The following COL21A1 variants were observed in gnomAD, a reference collection of about 807,000 sequenced individuals.
COL21A1 encodes the protein collagen type XXI alpha 1 chain.
A neutral mutation model predicts 137.9 loss-of-function variants in COL21A1; 149 were observed. That is an observed-to-expected ratio of 1.08 (90% confidence interval 0.95 to 1.24). COL21A1 has a LOEUF of 1.24. Ranked by LOEUF, COL21A1 falls within the 50% of genes most tolerant of loss-of-function variation. The pLI is 0.00. For missense variants in COL21A1, 1,167 were observed against 1,158.4 expected, an observed-to-expected ratio of 1.01 and a Z score of -0.11; for synonymous variants, 456 against 391.5, an observed-to-expected ratio of 1.16 and a Z score of -1.95.
chr6:56,184,623 T>C (rs1778140530), intron 1 of COL21A1, among the ~76,000 whole-genome samples: 1 of 152,172 alleles, frequency 6.6e-6, no homozygotes, highest in South Asian at 2.1e-4. Context: ...AGAAGACACA[T>C]TGTTTTGTAA....
chr6:56,165,913 C>CACACACACAT (rs1341573330), intron 7 of COL21A1, among the ~76,000 whole-genome samples: 1,182 of 95,220 alleles, frequency 0.012, 19 homozygotes, highest in African/African-American at 0.05. Context: ...TGATTACACA[C>CACACACACAT]ACACACACAC....
intron 7 of COL21A1, 58 bp from the exon 8 acceptor site, chr6:56,164,880 C>T: frequency 1.6e-6 from 2 of 1,273,890 alleles, no homozygotes; most frequent in Non-Finnish European, 2.2e-6. Flanking sequence ...TATAAATTAT[C>T]AGCCTAATTT....
chr6:56,228,757 T>C (rs1721272680), intron 1 of COL21A1, among the ~76,000 whole-genome samples: 1 of 151,458 alleles, frequency 6.6e-6, no homozygotes, highest in Admixed American at 6.6e-5. Context: ...TGCTTTTGAG[T>C]GTCAAGGGTG....
At chr6:56,221,320 A>C (rs1435559468) in intron 1 of COL21A1, among the ~76,000 whole-genome samples, 1 of 152,188 alleles carries the variant, frequency 6.6e-6, no homozygotes, top group Non-Finnish European at 1.5e-5. Flanking sequence ...TAATTAATGA[A>C]ACTGACTTTG....
intron 5 of COL21A1, 116 bp downstream of exon 5, chr6:56,170,533 A>T: frequency 1.4e-6 from 1 of 711,030 alleles, no homozygotes; most frequent in Non-Finnish European, 2.3e-6. Flanking sequence ...TAAAATTTAA[A>T]GTAAAAATAT....
At chr6:56,083,160 A>G (rs1413872813) in intron 17 of COL21A1, among the ~76,000 whole-genome samples, 1 of 151,988 alleles carries the variant, frequency 6.6e-6, no homozygotes, top group African/African-American at 2.4e-5. Flanking sequence ...AGAATCAGCA[A>G]TGCTGCACCC....
At chr6:56,281,977 A>G (rs1334797008) in intron 1 of COL21A1, among the ~76,000 whole-genome samples, 1 of 147,034 alleles carries the variant, frequency 6.8e-6, no homozygotes, top group Non-Finnish European at 1.5e-5. Flanking sequence ...ATACCAAATA[A>G]ACTTTGCTGT....
chr6:56,059,052 C>A, intron 29 of COL21A1, 113 bp downstream of exon 29: 1 of 768,866 alleles, frequency 1.3e-6, no homozygotes, highest in South Asian at 1.6e-5. Flanking sequence ...AAATGTGAAT[C>A]ACTCAAAAAA....
chr6:56,262,963 G>A (rs149687828), intron 1 of COL21A1, among the ~76,000 whole-genome samples: 57 of 152,240 alleles, frequency 3.7e-4, no homozygotes, highest in Non-Finnish European at 6.6e-4. Context: ...TTTATTTCCC[G>A]TTTTCAGATG....
chr6:56,206,453 T>C (rs1582640008), intron 1 of COL21A1, among the ~76,000 whole-genome samples: 1 of 152,012 alleles, frequency 6.6e-6, no homozygotes, highest in African/African-American at 2.4e-5. Flanking sequence ...GCCCTAAATA[T>C]ATATGCAACT....
intron 12 of COL21A1, among the ~76,000 whole-genome samples, chr6:56,136,693 T>C (rs1774030314): frequency 6.6e-6 from 1 of 152,178 alleles, no homozygotes; most frequent in African/African-American, 2.4e-5. Context: ...AAAATGTCTT[T>C]GTGTGTGTGT....
chr6:56,380,420 G>A (rs2094006917), intron 1 of COL21A1, among the ~76,000 whole-genome samples: 1 of 152,064 alleles, frequency 6.6e-6, no homozygotes, highest in Non-Finnish European at 1.5e-5. Flanking sequence ...ATGGGCAGGT[G>A]GTCTTTTTCA....
rs148483889 is a variant in COL21A1, at chr6:56,177,318, T to C, written c.640+2260A>G. 7.1e-3 allele frequency among the ~76,000 whole-genome samples: 1,075 copies of C among 152,184 alleles called. 54 individuals are homozygous for C. Among genetic ancestry groups the C allele is most frequent in the Admixed American group, 0.067 (1,021 of 15,272 alleles). On this transcript the variant is annotated intron_variant, in intron 3 of 29. Transcript: ENST00000244728. ...ATTCAACTACAGCAGAGTATAAAAATAAACAGTATTAGGAAATGGTCATCC... is the reference window on the plus strand; with the variant it reads ...ATTCAACTACAGCAGAGTATAAAAACAAACAGTATTAGGAAATGGTCATCC...
intron 1 of COL21A1, among the ~76,000 whole-genome samples, chr6:56,338,612 T>C (rs1765391181): frequency 6.6e-6 from 1 of 152,198 alleles, no homozygotes; most frequent in Admixed American, 6.5e-5. Flanking sequence ...TCTCTATCTC[T>C]TCTCCCTTTG....
intron 1 of COL21A1, among the ~76,000 whole-genome samples, chr6:56,227,243 C>A (rs1359736319): frequency 6.6e-6 from 1 of 151,992 alleles, no homozygotes; most frequent in East Asian, 1.9e-4. Flanking sequence ...AATGAATGTG[C>A]TGTGTAATAT....
At chr6:56,098,073 A>G (rs1260324678) in intron 17 of COL21A1, among the ~76,000 whole-genome samples, 1 of 45,698 alleles carries the variant, frequency 2.2e-5, no homozygotes, top group Non-Finnish European at 3.4e-5. Context: ...ATATATAAAT[A>G]TATATAAATA....
chr6:56,218,964 G>A (rs939666469), intron 1 of COL21A1, among the ~76,000 whole-genome samples: 5 of 152,006 alleles, frequency 3.3e-5, no homozygotes, highest in African/African-American at 7.2e-5. Flanking sequence ...TTCTATGGTC[G>A]TTCGGCATTT....
intron 10 of COL21A1, 148 bp downstream of exon 10, chr6:56,156,739 T>C: frequency 1.5e-6 from 1 of 681,540 alleles, no homozygotes; most frequent in Non-Finnish European, 2.6e-6. Context: ...GCTCCTTTCG[T>C]TCCAACAGAG....
At chr6:56,086,322 A>G (rs899862600) in intron 17 of COL21A1, among the ~76,000 whole-genome samples, 8 of 152,118 alleles carry the variant, frequency 5.3e-5, no homozygotes, top group African/African-American at 1.7e-4. Context: ...ACCATTGCAC[A>G]GTTGAAAATC....
Sources: gnomAD v4.1 joint callset for allele counts (sites outside exome capture counted in the v4.1 genomes callset) on GRCh38, gnomAD v4.1.1 for gene constraint, MANE v1.5 for transcripts, NCBI Gene and HGNC (gene_info 2026-07-23, HGNC 2026-07-21) for gene names.